CALN1: variants seen among roughly 807,000 people sequenced by gnomAD.
CALN1 encodes the protein calcium-binding protein 8.
A neutral mutation model predicts 30.6 loss-of-function variants in CALN1; 17 were observed. That is an observed-to-expected ratio of 0.56 (90% CI 0.38 to 0.83). The LOEUF is 0.83. Ranked by LOEUF, CALN1 falls within the 40% of genes least tolerant of loss-of-function variation. The pLI is 0.00. For missense variants in CALN1, 291 were observed against 354.9 expected, an observed-to-expected ratio of 0.82 and a Z score of 1.45; for synonymous variants, 156 against 131.4, an observed-to-expected ratio of 1.19 and a Z score of -1.28.
chr7:72,266,179 G>C (rs775176032), intron 3 of CALN1, among the ~76,000 whole-genome samples: 1 of 151,484 alleles, frequency 6.6e-6, no homozygotes, highest in Non-Finnish European at 1.5e-5. Flanking sequence ...CCATCTCCTT[G>C]CATCTAGAAA....
intron 5 of CALN1, among the ~76,000 whole-genome samples, chr7:71,982,047 T>C (rs1431096202): frequency 6.6e-6 from 1 of 152,200 alleles, no homozygotes; most frequent in East Asian, 1.9e-4. Context: ...TCTCACTTTT[T>C]AGTTGACTTC....
chr7:72,061,825 A>C (rs1002936894), intron 4 of CALN1, among the ~76,000 whole-genome samples: 13 of 150,712 alleles, frequency 8.6e-5, no homozygotes, highest in Admixed American at 1.3e-4. Flanking sequence ...AAAAGAAATA[A>C]ACCAACAGAT....
intron 4 of CALN1, among the ~76,000 whole-genome samples, chr7:72,079,972 T>C (rs1805020095): frequency 6.6e-6 from 1 of 152,050 alleles, no homozygotes; most frequent in African/African-American, 2.4e-5. Context: ...GGTTTTGCCA[T>C]GTTGGCCAGG....
At chr7:72,318,125 C>T (rs1284159390) in intron 2 of CALN1, among the ~76,000 whole-genome samples, 1 of 152,136 alleles carries the variant, frequency 6.6e-6, no homozygotes, top group East Asian at 1.9e-4. Context: ...AGGGGCATCC[C>T]TATTTCAAAG....
At chr7:72,141,088 TG>T (rs1447680709) in intron 3 of CALN1, among the ~76,000 whole-genome samples, 2 of 152,252 alleles carry the variant, frequency 1.3e-5, no homozygotes, top group African/African-American at 4.8e-5. Context: ...CCAAGGTCAC[TG>T]GCTCCAGCCT....
the CALN1 span, among the ~76,000 whole-genome samples, chr7:72,504,059 G>A: frequency 1.3e-5 from 2 of 152,180 alleles, no homozygotes; most frequent in African/African-American, 4.8e-5. Flanking sequence ...AAGACAAACT[G>A]CTCTATCCCG....
chr7:71,950,245 T>A (rs924606190), intron 5 of CALN1, among the ~76,000 whole-genome samples: 13 of 152,138 alleles, frequency 8.5e-5, no homozygotes, highest in Admixed American at 3.3e-4. Flanking sequence ...AGCACAAGTA[T>A]GGGCAGGGCG....
intron 3 of CALN1, among the ~76,000 whole-genome samples, chr7:72,179,063 T>C (rs776501401): frequency 4.6e-5 from 7 of 152,180 alleles, no homozygotes; most frequent in Non-Finnish European, 1.0e-4. Context: ...AAAACTTAGA[T>C]ATTTTCTCAC....
At chr7:72,307,253 T>G (rs1356548878) in intron 2 of CALN1, among the ~76,000 whole-genome samples, 2 of 152,208 alleles carry the variant, frequency 1.3e-5, no homozygotes, top group Non-Finnish European at 2.9e-5. Flanking sequence ...TTAGATTCAT[T>G]CAATCCATCA....
At chr7:71,832,361 C>T (rs116291254) in intron 5 of CALN1, among the ~76,000 whole-genome samples, 2,792 of 152,080 alleles carry the variant, frequency 0.018, 95 homozygotes, top group African/African-American at 0.063. Flanking sequence ...TTGAAGGGGA[C>T]GGAAAAGAGT....
chr7:72,502,542 T>G, the CALN1 span, among the ~76,000 whole-genome samples: 1 of 151,956 alleles, frequency 6.6e-6, no homozygotes, highest in Non-Finnish European at 1.5e-5. Flanking sequence ...TCACCATATT[T>G]TAGCTTTGCA....
intron 3 of CALN1, among the ~76,000 whole-genome samples, chr7:72,255,543 T>C (rs1326796879): frequency 1.3e-5 from 2 of 151,376 alleles, no homozygotes; most frequent in Admixed American, 6.6e-5. Flanking sequence ...GCTTCCCGAG[T>C]AGCTAGGACT....
chr7:72,373,690 C>G (rs1804381725), intron 2 of CALN1, among the ~76,000 whole-genome samples: 2 of 152,174 alleles, frequency 1.3e-5, no homozygotes. Flanking sequence ...AAGATCCTTT[C>G]AACTTAAGGT....
At chr7:71,997,285 A>G (rs1562965043) in intron 5 of CALN1, among the ~76,000 whole-genome samples, 1 of 152,182 alleles carries the variant, frequency 6.6e-6, no homozygotes. Flanking sequence ...TGGAAATTAC[A>G]AAACTGAAAA....
intron 4 of CALN1, among the ~76,000 whole-genome samples, chr7:72,053,217 G>A (rs751257484): frequency 6.6e-5 from 10 of 152,290 alleles, no homozygotes; most frequent in Admixed American, 1.3e-4. Context: ...GTGACAGAGC[G>A]AGACTCTGTC....
chr7:72,418,690 C>T (rs1466131557), intron 1 of CALN1, among the ~76,000 whole-genome samples: 1 of 152,094 alleles, frequency 6.6e-6, no homozygotes, highest in African/African-American at 2.4e-5. Context: ...TTTGCTCAGC[C>T]CCATCTGGAT....
chr7:72,242,309 G>A (rs1252288035), intron 3 of CALN1, among the ~76,000 whole-genome samples: 4 of 152,038 alleles, frequency 2.6e-5, no homozygotes, highest in African/African-American at 9.7e-5. Context: ...ACATAGATGT[G>A]CACATATCTG....
chr7:71,965,570 A>T (rs1025469196), intron 5 of CALN1, among the ~76,000 whole-genome samples: 1 of 108,514 alleles, frequency 9.2e-6, no homozygotes, highest in Non-Finnish European at 2.1e-5. Context: ...AACAGTAACA[A>T]CAAACAAACA....
intron 2 of CALN1, among the ~76,000 whole-genome samples, chr7:72,289,197 T>C (rs1171309952): frequency 6.6e-6 from 1 of 152,184 alleles, no homozygotes; most frequent in East Asian, 1.9e-4. Flanking sequence ...TCTAAGTCAT[T>C]ATGTTTTCAG....
Sources: allele counts gnomAD v4.1 joint callset (sites outside exome capture counted in the v4.1 genomes callset), GRCh38; gene constraint gnomAD v4.1.1; transcripts MANE v1.5; gene names NCBI Gene and HGNC (gene_info 2026-07-23, HGNC 2026-07-21).